The following STAT1 variants were observed in gnomAD, a reference collection of about 807,000 sequenced individuals.
STAT1 encodes the protein signal transducer and activator of transcription 1-alpha/beta.
In STAT1, 24 loss-of-function variants were observed where a neutral mutation model predicts 111.7. The ratio of observed to expected loss-of-function variants is 0.21; its 90% CI spans 0.16 to 0.30. The LOEUF (loss-of-function observed/expected upper bound fraction) is 0.30, where lower values mean the gene tolerates loss of function less well. Ranked by LOEUF, STAT1 falls within the 10% of genes least tolerant of loss-of-function variation. The probability of loss-of-function intolerance (pLI) is 1.00; values close to 1 mark genes in which losing one functional copy is unlikely to be tolerated. For synonymous variants in STAT1, 332 were observed against 326.5 expected (o/e 1.02, Z -0.18); for missense variants, 351 against 911.9 (o/e 0.38, Z 7.92).
In STAT1 at chr2:191,007,777, A is replaced by G; in HGVS notation, c.274-116T>C. Reference sequence around the variant, plus strand: ...CTCCGGGAAACCTCATCTCTCATCTATTAAATTCTATATAAGCTATGTTTG... The same window carrying G: ...CTCCGGGAAACCTCATCTCTCATCTGTTAAATTCTATATAAGCTATGTTTG... On this transcript the variant is annotated intron_variant, in intron 4 of 24. Coordinates refer to ENST00000361099, the MANE Select transcript of STAT1 (RefSeq NM_007315.4). This position sits in a 1 kb window ranked among gnomAD's most constrained non-coding sequence, Gnocchi z 4.2. The G allele has an allele frequency of 1.3e-6, 1 of 748,280 alleles. No homozygotes were observed. The highest frequency in any genetic ancestry group is 2.3e-6 in the Non-Finnish European group (1 of 433,472). 46.4% of individuals were successfully genotyped at this position (748,280 alleles called of 1,614,324 possible). A position where few individuals can be genotyped will look rare whatever the true frequency, so the allele number is the denominator to read the frequency against.
Position 190,998,093 on chromosome 2 carries a change from C to T in STAT1, c.634-86G>A, listed in dbSNP as rs1693986385. On this transcript the variant is annotated intron_variant, in intron 8 of 24. Transcript: ENST00000361099. The surrounding 1 kb of genome is among the most constrained non-coding windows in gnomAD (Gnocchi z 4.1). ...TATTTTTTAAAAGAAAAGCAAATATCATTTCATTCTCAACTGGGGCTCTAA... is the reference window on the plus strand; with the variant it reads ...TATTTTTTAAAAGAAAAGCAAATATTATTTCATTCTCAACTGGGGCTCTAA... 6.4e-7 allele frequency: 1 copy of T among 1,571,568 alleles called. No individual in the cohort carries two copies.
At chr2:190,972,480 C>T (rs567987258) in intron 24 of STAT1, among the ~76,000 whole-genome samples, 1 of 152,308 alleles carries the variant, frequency 6.6e-6, no homozygotes, top group Admixed American at 6.5e-5. Flanking sequence ...CCTGAGGCTG[C>T]ACCAGGCGTT....
rs999959145 is a variant in STAT1 at position 190,995,397 on chromosome 2, C to G, written c.786-178G>C. On this transcript the variant is annotated intron_variant, in intron 9 of 24. Transcript: ENST00000361099. This position sits in a 1 kb window ranked among gnomAD's most constrained non-coding sequence, Gnocchi z 4.2. ...ACATAGTTCCACATGGCTGAGGAGGCCCCACAATCATGGCAGAAGGCAAAT... is the reference window on the plus strand; with the variant it reads ...ACATAGTTCCACATGGCTGAGGAGGGCCCACAATCATGGCAGAAGGCAAAT... Among the ~76,000 whole-genome samples the G allele has an allele frequency of 4.6e-5, 7 of 152,184 alleles. No homozygotes were observed. Among genetic ancestry groups the G allele is most frequent in the African/African-American group, 1.7e-4 (7 of 41,432 alleles).
intron 2 of STAT1, chr2:191,010,376 T>C (rs1559026214): frequency 2.1e-6 from 1 of 471,602 alleles, no homozygotes; most frequent in Admixed American, 2.4e-5. Flanking sequence ...CCACATATTT[T>C]ATTTTCATTA....
At position 190,981,200 on chromosome 2, in the gene STAT1, G is replaced by A. The variant is rs1692362859; in HGVS notation, c.1583-531C>T. On this transcript the variant is annotated intron_variant, in intron 18 of 24. Coordinates refer to ENST00000361099, the MANE Select transcript of STAT1 (RefSeq NM_007315.4). The surrounding 1 kb of genome is among the most constrained non-coding windows in gnomAD (Gnocchi z 4.1). ...CTGCCTTCCTCTGCTGCTCAGCAGA[G>A]CCCCCTCTCCCAAGGATCCTACAGA... is the stretch of plus-strand genomic sequence containing the variant. Among the ~76,000 whole-genome samples, 1 of 152,098 alleles carries A rather than the reference G, an allele frequency of 6.6e-6. No homozygotes were observed. The highest frequency in any genetic ancestry group is 2.1e-4 in the South Asian group (1 of 4,822).
At chr2:190,972,858 G>A (rs1269284696) in intron 24 of STAT1, among the ~76,000 whole-genome samples, 1 of 133,940 alleles carries the variant, frequency 7.5e-6, no homozygotes, top group Non-Finnish European at 1.6e-5. Context: ...TGTGTGAAAT[G>A]GATTTATTTT....
At chr2:191,001,652 T>A (rs1003242202) in intron 5 of STAT1, among the ~76,000 whole-genome samples, 1 of 152,226 alleles carries the variant, frequency 6.6e-6, no homozygotes, top group African/African-American at 2.4e-5. Context: ...AGAGGTATAC[T>A]GAAATATGAA....
chr2:191,007,058 G>A lies in STAT1; in HGVS notation c.372+505C>T, dbSNP rs1023368887. Reference sequence around the variant, plus strand: ...TCCTTGACTTTCTGCTCTCACTCCTGCATCTAATCCTTCAACATAAGGATC... The same window carrying A: ...TCCTTGACTTTCTGCTCTCACTCCTACATCTAATCCTTCAACATAAGGATC... On this transcript the variant is annotated intron_variant, in intron 5 of 24. Coordinates refer to ENST00000361099, the MANE Select transcript of STAT1 (RefSeq NM_007315.4). The surrounding 1 kb of genome is among the most constrained non-coding windows in gnomAD (Gnocchi z 4.2). Among the ~76,000 whole-genome samples the A allele has an allele frequency of 2.6e-5, 4 of 152,142 alleles. No homozygotes were observed. The highest frequency in any genetic ancestry group is 9.7e-5 in the African/African-American group (4 of 41,414).
chr2:191,008,937 A>G (rs1356552116), intron 4 of STAT1, 26 bp downstream of exon 4: 1 of 1,611,976 alleles, frequency 6.2e-7, no homozygotes, highest in East Asian at 2.2e-5. Context: ...GAACATTTCA[A>G]CTAAAATACA....
chr2:191,010,915 GA>G (rs1330520922), intron 2 of STAT1, among the ~76,000 whole-genome samples: 1 of 152,142 alleles, frequency 6.6e-6, no homozygotes, highest in East Asian at 1.9e-4. Flanking sequence ...AATTCATTAG[GA>G]AAACGGAGAG....
intron 10 of STAT1, among the ~76,000 whole-genome samples, chr2:190,992,417 C>G (rs1453960306): frequency 6.6e-6 from 1 of 151,968 alleles, no homozygotes; most frequent in African/African-American, 2.4e-5. Flanking sequence ...TATAAACCAG[C>G]ACACAAAGGT....
chr2:190,994,900 G>T (rs1693703658), intron 10 of STAT1, among the ~76,000 whole-genome samples, 161 bp downstream of exon 10: 1 of 131,000 alleles, frequency 7.6e-6, no homozygotes, highest in African/African-American at 2.9e-5. Context: ...TGGGTGATAG[G>T]TGAGACTCTA....
rs1694189743 is a variant in STAT1, at chr2:191,000,488, G to C, written c.462+586C>G. Among the ~76,000 whole-genome samples, 1 of 152,114 alleles carries C rather than the reference G, an allele frequency of 6.6e-6. No individual in the cohort carries two copies. ...GCCTTTTCCACAAACACAGGCCTCT[G>C]TGAAAAAGAACTCCTCAAACCCTCC... On this transcript the variant is annotated intron_variant, in intron 6 of 24. Coordinates refer to ENST00000361099, the MANE Select transcript of STAT1 (RefSeq NM_007315.4). The surrounding 1 kb of genome is among the most constrained non-coding windows in gnomAD (Gnocchi z 4.8).
rs768016336 is a variant in STAT1, at chr2:190,982,387, A to G, written c.1578T>C (p.Leu526=). 1 of 1,614,188 alleles carries G rather than the reference A, an allele frequency of 6.2e-7. No homozygotes were observed. The highest frequency in any genetic ancestry group is 1.1e-5 in the South Asian group (1 of 91,084). ...AACAAGTTAATATGCATATACCAAG[A>G]AGCTTCTCTCCCAACATGTTCAGCT... is the stretch of plus-strand genomic sequence containing the variant. The part of the protein sequence containing the change: ...VDQLNMLGEK[L]LGPNASPDGL... Residue 526 remains leucine, a synonymous_variant, in exon 18 of 25, where the codon CTT becomes CTC. Transcript: ENST00000361099. The surrounding 1 kb of genome is among the most constrained non-coding windows in gnomAD (Gnocchi z 7.3).
rs1166256120 is a variant in STAT1 at position 190,998,533 on chromosome 2, A to G, written c.542-225T>C. ...AAAAATTAGCCGGGCGCAGTGGCAG[A>G]CGCCTGTAGTCCCAGCTACTCGGGA... On this transcript the variant is annotated intron_variant, in intron 7 of 24. Coordinates refer to ENST00000361099, the MANE Select transcript of STAT1 (RefSeq NM_007315.4). This position sits in a 1 kb window ranked among gnomAD's most constrained non-coding sequence, Gnocchi z 4.1. 6.6e-6 allele frequency among the ~76,000 whole-genome samples: 1 copy of G among 152,094 alleles called. No homozygotes were observed. Among genetic ancestry groups the G allele is most frequent in the Non-Finnish European group, 1.5e-5 (1 of 68,014 alleles).
chr2:191,011,374 T>C (rs920824692), intron 2 of STAT1, among the ~76,000 whole-genome samples: 2 of 152,162 alleles, frequency 1.3e-5, no homozygotes, highest in Non-Finnish European at 2.9e-5. Context: ...CGCCTCTTAT[T>C]AGCCAAGCGA....
In STAT1 at chr2:191,012,726, C is replaced by T. The variant is rs1290520497; in HGVS notation, c.-2+799G>A. On this transcript the variant is annotated intron_variant, in intron 2 of 24. Transcript: ENST00000361099. The surrounding 1 kb of genome is among the most constrained non-coding windows in gnomAD (Gnocchi z 4.0). ...ACCCCACCCCATCTTCATCCATCAACAAAGCAACCCAGTCACCAAATCATT... is the reference window on the plus strand; with the variant it reads ...ACCCCACCCCATCTTCATCCATCAATAAAGCAACCCAGTCACCAAATCATT... Among the ~76,000 whole-genome samples the T allele has an allele frequency of 6.6e-6, 1 of 152,220 alleles. No individual in the cohort carries two copies. Among genetic ancestry groups the T allele is most frequent in the Non-Finnish European group, 1.5e-5 (1 of 68,038 alleles).
intron 10 of STAT1, chr2:190,992,978 T>C (rs13390894): frequency 0.21 from 53,257 of 251,920 alleles, 6,929 homozygotes; most frequent in East Asian, 0.51. Context: ...TTAGTAGGGA[T>C]GGGGTTTCAT....
Position 190,980,366 on chromosome 2 carries a change from C to T in STAT1, c.1632+254G>A, listed in dbSNP as rs1454603753. Among the ~76,000 whole-genome samples, 1 of 152,224 alleles carries T rather than the reference C, an allele frequency of 6.6e-6. No individual in the cohort carries two copies. Among genetic ancestry groups the T allele is most frequent in the East Asian group, 1.9e-4 (1 of 5,204 alleles). On this transcript the variant is annotated intron_variant, in intron 19 of 24. Transcript: ENST00000361099. The surrounding 1 kb of genome is among the most constrained non-coding windows in gnomAD (Gnocchi z 6.1). ...AAAACACTGCTGGGCAGGGGTCCAGCGTGAGTGAACAGAAGCCTCATTTCA... is the reference window on the plus strand; with the variant it reads ...AAAACACTGCTGGGCAGGGGTCCAGTGTGAGTGAACAGAAGCCTCATTTCA...
Sources: allele counts gnomAD v4.1 joint callset (sites outside exome capture counted in the v4.1 genomes callset), GRCh38; gene constraint gnomAD v4.1.1; non-coding constraint Gnocchi (gnomAD v3.1); transcripts MANE v1.5; gene names NCBI Gene and HGNC (gene_info 2026-07-23, HGNC 2026-07-21).